Variants in CPNE4 observed in about 807,000 individuals in gnomAD.
The protein encoded by CPNE4 is copine 4.
A neutral mutation model predicts 67.9 loss-of-function variants in CPNE4; 25 were observed. The observed-to-expected ratio is 0.37, with a 90% confidence interval of 0.27 to 0.51. The LOEUF (loss-of-function observed/expected upper bound fraction) is 0.51. Ranked by LOEUF, CPNE4 falls within the 20% of genes least tolerant of loss-of-function variation. The probability of loss-of-function intolerance (pLI) is 0.93; values close to 1 mark genes in which losing one functional copy is unlikely to be tolerated. For missense variants in CPNE4, 464 were observed against 690.8 expected, an observed-to-expected ratio of 0.67 and a Z score of 3.68; for synonymous variants, 242 against 244.9, an observed-to-expected ratio of 0.99 and a Z score of 0.11.
intron 1 of CPNE4, among the ~76,000 whole-genome samples, chr3:131,914,621 G>A (rs957319936): frequency 7.1e-6 from 1 of 141,096 alleles, no homozygotes; most frequent in Non-Finnish European, 1.5e-5. Flanking sequence ...AAGGAGAAAA[G>A]CTGTATATAT....
intron 2 of CPNE4, among the ~76,000 whole-genome samples, chr3:131,849,534 AC>A (rs1436411655): frequency 6.6e-6 from 1 of 152,054 alleles, no homozygotes; most frequent in African/African-American, 2.4e-5. Flanking sequence ...GAAAATCCAC[AC>A]CCATGATCCA....
chr3:131,828,027 T>A (rs2085231217), intron 2 of CPNE4, among the ~76,000 whole-genome samples: 1 of 151,998 alleles, frequency 6.6e-6, no homozygotes, highest in South Asian at 2.1e-4. Flanking sequence ...AGAAACAATT[T>A]AAAATACCCT....
chr3:131,644,901 CT>C (rs1410654449), intron 7 of CPNE4, among the ~76,000 whole-genome samples: 1 of 152,198 alleles, frequency 6.6e-6, no homozygotes, highest in African/African-American at 2.4e-5. Context: ...ATTATTCCAA[CT>C]GTAGATAATT....
intron 2 of CPNE4, among the ~76,000 whole-genome samples, chr3:131,892,577 C>T (rs1336655317): frequency 6.6e-6 from 1 of 152,032 alleles, no homozygotes; most frequent in Non-Finnish European, 1.5e-5. Flanking sequence ...ATCTCTTAAT[C>T]CTCTACTATA....
chr3:131,817,730 G>A (rs1050978383), intron 2 of CPNE4, among the ~76,000 whole-genome samples: 11 of 152,198 alleles, frequency 7.2e-5, no homozygotes, highest in South Asian at 2.1e-4. Flanking sequence ...GGGGGCCCAC[G>A]AAACATAAAA....
chr3:131,575,979 G>A (rs772089957), intron 9 of CPNE4, among the ~76,000 whole-genome samples: 2 of 152,080 alleles, frequency 1.3e-5, no homozygotes, highest in African/African-American at 2.4e-5. Context: ...TCATGTATTC[G>A]TTTATTCAAC....
At chr3:131,950,938 CAT>C (rs1307462048) in intron 1 of CPNE4, among the ~76,000 whole-genome samples, 1 of 152,170 alleles carries the variant, frequency 6.6e-6, no homozygotes, top group African/African-American at 2.4e-5. Context: ...CTGAGCATCT[CAT>C]AGAGGTTTTT....
At chr3:131,901,562 G>T (rs573289991) in intron 2 of CPNE4, among the ~76,000 whole-genome samples, 2 of 151,738 alleles carry the variant, frequency 1.3e-5, no homozygotes, top group Non-Finnish European at 2.9e-5. Context: ...AAATATTTCC[G>T]GCCAGGCATG....
rs546391616 is a variant in CPNE4, at chr3:131,803,408, A to G, written c.181-79783T>C. Among the ~76,000 whole-genome samples the G allele has an allele frequency of 4.6e-5, 7 of 152,364 alleles. No homozygotes were observed. The East Asian group carries it at 1.3e-3, about 29-fold the overall frequency. ...TTATCTCTTTCTAGAGAACAAAAGCAAAAGGAAGTTTTGCTGCTAACTGTC... is the reference window on the plus strand; with the variant it reads ...TTATCTCTTTCTAGAGAACAAAAGCGAAAGGAAGTTTTGCTGCTAACTGTC... On this transcript the variant is annotated intron_variant, in intron 2 of 15. Transcript: ENST00000429747.
chr3:131,864,421 T>C (rs1294530769), intron 2 of CPNE4, among the ~76,000 whole-genome samples: 3 of 152,176 alleles, frequency 2.0e-5, no homozygotes, highest in Non-Finnish European at 2.9e-5. Flanking sequence ...AGGTCCTTCA[T>C]GTTCCTTGTA....
intron 8 of CPNE4, among the ~76,000 whole-genome samples, chr3:131,581,968 A>G (rs888498986): frequency 2.0e-5 from 3 of 152,202 alleles, no homozygotes; most frequent in African/African-American, 7.2e-5. Context: ...ATTATACTCT[A>G]TCTCATAGGA....
intron 7 of CPNE4, among the ~76,000 whole-genome samples, chr3:131,644,268 C>T (rs1280450661): frequency 1.3e-5 from 2 of 152,084 alleles, no homozygotes; most frequent in African/African-American, 2.4e-5. Context: ...CTGCCTCAAC[C>T]TCCCGAGTAG....
At chr3:131,731,270 A>G (rs769596162) in intron 2 of CPNE4, among the ~76,000 whole-genome samples, 10 of 152,220 alleles carry the variant, frequency 6.6e-5, no homozygotes, top group Non-Finnish European at 1.2e-4. Flanking sequence ...TACTTATGCT[A>G]TTCAAAGCAG....
chr3:131,843,468 T>C (rs1388400570), intron 2 of CPNE4, among the ~76,000 whole-genome samples: 1 of 152,228 alleles, frequency 6.6e-6, no homozygotes, highest in Non-Finnish European at 1.5e-5. Flanking sequence ...GAAGAGCGTT[T>C]ACATTGAAAG....
At chr3:131,782,977 C>A (rs2083465486) in intron 2 of CPNE4, among the ~76,000 whole-genome samples, 1 of 152,040 alleles carries the variant, frequency 6.6e-6, no homozygotes, top group South Asian at 2.1e-4. Flanking sequence ...AGGAGACAAT[C>A]TGCTTATCAT....
intron 1 of CPNE4, among the ~76,000 whole-genome samples, chr3:131,913,978 T>C (rs767988104): frequency 6.6e-6 from 1 of 152,236 alleles, no homozygotes; most frequent in African/African-American, 2.4e-5. Flanking sequence ...TGATCATTGC[T>C]GTTGTTTTTT....
chr3:131,879,808 G>C (rs1055531756), intron 2 of CPNE4, among the ~76,000 whole-genome samples: 1 of 152,140 alleles, frequency 6.6e-6, no homozygotes, highest in African/African-American at 2.4e-5. Context: ...GGATTCCCCT[G>C]TTGAGGTCAG....
chr3:131,695,087 T>C (rs2081120159), intron 5 of CPNE4, among the ~76,000 whole-genome samples: 1 of 152,214 alleles, frequency 6.6e-6, no homozygotes, highest in Non-Finnish European at 1.5e-5. Context: ...ATCATTTTGC[T>C]CCTCCATTCT....
chr3:131,971,056 A>G (rs1406676912), intron 1 of CPNE4, among the ~76,000 whole-genome samples: 1 of 152,228 alleles, frequency 6.6e-6, no homozygotes, highest in Admixed American at 6.5e-5. Flanking sequence ...GAGGTCACTC[A>G]GCGGTGTTCA....
Sources: gnomAD v4.1 joint callset for allele counts (sites outside exome capture counted in the v4.1 genomes callset) on GRCh38, gnomAD v4.1.1 for gene constraint, MANE v1.5 for transcripts, NCBI Gene and HGNC (gene_info 2026-07-23, HGNC 2026-07-21) for gene names.